Variants in DPP10 observed in about 807,000 individuals in gnomAD.
The protein encoded by DPP10 is dipeptidyl peptidase like 10.
Under a neutral mutation model 120.9 loss-of-function variants are expected in DPP10, and 33 were observed. That is an observed-to-expected ratio of 0.27 (90% CI 0.21 to 0.37). The LOEUF is 0.37. DPP10 is among the 10% of genes least tolerant of loss of function. The pLI is 1.00. For synonymous variants in DPP10, 337 were observed against 326.1 expected, an observed-to-expected ratio of 1.03 and a Z score of -0.36; for missense variants, 816 against 942.8, an observed-to-expected ratio of 0.87 and a Z score of 1.76.
At chr2:114,704,293 T>C (rs1049438251) in intron 1 of DPP10, among the ~76,000 whole-genome samples, 8 of 151,992 alleles carry the variant, frequency 5.3e-5, no homozygotes, top group South Asian at 2.1e-4. Flanking sequence ...TGAAATAAGA[T>C]AGATTGGGGA....
intron 1 of DPP10, among the ~76,000 whole-genome samples, chr2:114,734,139 A>G (rs1461712469): frequency 6.6e-6 from 1 of 152,182 alleles, no homozygotes; most frequent in East Asian, 1.9e-4. Flanking sequence ...TTTCCTTGCC[A>G]TACCTTGAAA....
intron 3 of DPP10, among the ~76,000 whole-genome samples, chr2:115,483,479 C>CTATCTATCTGTATG (rs3980957): frequency 0.067 from 9,644 of 143,910 alleles, 404 homozygotes; most frequent in African/African-American, 0.093. Flanking sequence ...ATCTATCTAT[C>CTATCTATCTGTATG]TGTATGTGTA....
rs539516873 is a variant in DPP10, at chr2:115,146,857, A to C, written c.61-162382A>C. 3.9e-5 allele frequency among the ~76,000 whole-genome samples: 6 copies of C among 152,264 alleles called. No homozygotes were observed. The South Asian group carries it at 1.0e-3, about 26-fold the overall frequency. ...GAGGACACAGCAGGTGCCACCTATA[A>C]ACTAGAAAGTGGACCCTCGCCAGAC... On this transcript the variant is annotated intron_variant, in intron 1 of 25. Coordinates refer to ENST00000410059, the MANE Select transcript of DPP10 (RefSeq NM_020868.6).
chr2:115,356,813 A>T (rs142002451), intron 3 of DPP10, among the ~76,000 whole-genome samples: 77 of 152,252 alleles, frequency 5.1e-4, no homozygotes, highest in Non-Finnish European at 9.3e-4. Context: ...TTGCTATTGT[A>T]AAGGGTGCTA....
At chr2:115,133,145 G>GTGTGTATATATATATATATA (rs1338395575) in intron 1 of DPP10, among the ~76,000 whole-genome samples, 10 of 28,768 alleles carry the variant, frequency 3.5e-4, no homozygotes, top group African/African-American at 1.3e-3. Context: ...GTGTGTGTGT[G>GTGTGTATATATATATATATA]TATATATATA....
intron 1 of DPP10, 82 bp downstream of exon 1, chr2:114,442,920 A>G: frequency 1.3e-6 from 2 of 1,541,286 alleles, no homozygotes; most frequent in Non-Finnish European, 1.8e-6. Flanking sequence ...ATATCGGGGT[A>G]CTGACAGTGG....
chr2:114,679,943 A>G (rs571228783), intron 1 of DPP10, among the ~76,000 whole-genome samples: 2 of 152,168 alleles, frequency 1.3e-5, no homozygotes, highest in Admixed American at 6.6e-5. Context: ...TGCAGGATAT[A>G]GGAAACCATT....
At chr2:115,699,040 A>C (rs1198898438) in intron 7 of DPP10, among the ~76,000 whole-genome samples, 1 of 144,818 alleles carries the variant, frequency 6.9e-6, no homozygotes, top group African/African-American at 2.6e-5. Flanking sequence ...AAAAAACAAA[A>C]AAAAAAAAAC....
chr2:115,531,357 C>A (rs1389794902), intron 5 of DPP10, among the ~76,000 whole-genome samples: 2 of 152,020 alleles, frequency 1.3e-5, no homozygotes, highest in African/African-American at 4.8e-5. Flanking sequence ...GGACCTGATT[C>A]CTTAAACTGC....
intron 1 of DPP10, among the ~76,000 whole-genome samples, chr2:114,979,496 C>T (rs991352550): frequency 2.6e-5 from 4 of 151,790 alleles, no homozygotes; most frequent in African/African-American, 9.7e-5. Flanking sequence ...ACTCAGTTAT[C>T]TTAAATTTTT....
chr2:115,203,067 G>A (rs1432271111), intron 1 of DPP10, among the ~76,000 whole-genome samples: 2 of 152,214 alleles, frequency 1.3e-5, no homozygotes, highest in Non-Finnish European at 2.9e-5. Flanking sequence ...TTAGAAAACA[G>A]TCAGCTCTCT....
chr2:115,493,793 A>C (rs1225944227), intron 3 of DPP10, among the ~76,000 whole-genome samples: 2 of 152,154 alleles, frequency 1.3e-5, no homozygotes, highest in Admixed American at 1.3e-4. Context: ...CAGTAGAGCA[A>C]GGACTGCAGC....
intron 5 of DPP10, among the ~76,000 whole-genome samples, chr2:115,601,871 C>T (rs971532946): frequency 1.9e-4 from 28 of 148,706 alleles, no homozygotes; most frequent in East Asian, 9.9e-4. Context: ...TTAATAGAGA[C>T]GGGGTTTCAC....
At chr2:114,492,199 C>T (rs2217421) in intron 1 of DPP10, among the ~76,000 whole-genome samples, 6,633 of 152,038 alleles carry the variant, frequency 0.044, 485 homozygotes, top group African/African-American at 0.15. Context: ...TATTATTCAC[C>T]GAGCGACTCT....
chr2:114,742,910 G>A (rs939056080), intron 1 of DPP10, among the ~76,000 whole-genome samples: 1 of 152,208 alleles, frequency 6.6e-6, no homozygotes, highest in Non-Finnish European at 1.5e-5. Context: ...TGAAGTTTTA[G>A]TCCTTGCCAT....
chr2:115,278,842 A>G (rs534844929), intron 1 of DPP10, among the ~76,000 whole-genome samples: 1 of 152,270 alleles, frequency 6.6e-6, no homozygotes, highest in East Asian at 1.9e-4. Flanking sequence ...TGGAGGAGAC[A>G]AACATCCAAA....
At chr2:114,615,714 G>A (rs902564586) in intron 1 of DPP10, among the ~76,000 whole-genome samples, 5 of 152,090 alleles carry the variant, frequency 3.3e-5, no homozygotes, top group Admixed American at 6.6e-5. Context: ...TTTCCATCTG[G>A]AAAACAAAGA....
At chr2:114,476,153 G>A (rs1335698130) in intron 1 of DPP10, among the ~76,000 whole-genome samples, 1 of 152,152 alleles carries the variant, frequency 6.6e-6, no homozygotes, top group Admixed American at 6.6e-5. Context: ...AGCCAGGATA[G>A]TATCAAGTTC....
chr2:114,597,030 A>C (rs928702838), intron 1 of DPP10, among the ~76,000 whole-genome samples: 1 of 152,058 alleles, frequency 6.6e-6, no homozygotes, highest in African/African-American at 2.4e-5. Context: ...TGAATGTCCT[A>C]CAGGGCAGTA....
Sources: allele counts gnomAD v4.1 joint callset (sites outside exome capture counted in the v4.1 genomes callset), GRCh38; gene constraint gnomAD v4.1.1; transcripts MANE v1.5; gene names NCBI Gene and HGNC (gene_info 2026-07-23, HGNC 2026-07-21).